BEND7: variants seen among roughly 807,000 people sequenced by gnomAD.
The protein encoded by BEND7 is BEN domain-containing protein 7.
A neutral mutation model predicts 50.9 loss-of-function variants in BEND7; 28 were observed. That is an observed-to-expected ratio of 0.55 (90% CI 0.41 to 0.75). The LOEUF is 0.75. BEND7 is among the 30% of genes least tolerant of loss of function. The probability of loss-of-function intolerance (pLI) is 0.00; values close to 1 mark genes in which losing one functional copy is unlikely to be tolerated. For missense variants in BEND7, 477 were observed against 491.3 expected (o/e 0.97, Z 0.28); for synonymous variants, 170 against 183.9 (o/e 0.92, Z 0.61).
intron 2 of BEND7, among the ~76,000 whole-genome samples, chr10:13,508,259 G>A (rs564284134): frequency 1.8e-4 from 27 of 152,286 alleles, no homozygotes; most frequent in African/African-American, 4.8e-4. Context: ...ACTGGGAGTC[G>A]AACTCAGCAA....
Position 13,480,962 on chromosome 10 carries a change from T to A in BEND7, c.1000A>T (p.Arg334Trp). ...CGGTTGTCATTGAGTCCTCTTTTCCTCTTCCCATTGGGTAAGGAGTTAGCC... is the reference window on the plus strand; with the variant it reads ...CGGTTGTCATTGAGTCCTCTTTTCCACTTCCCATTGGGTAAGGAGTTAGCC... ...TLANSLPNGK[R>W]KRGLNDNRKG... is the part of the protein sequence containing the mutation. The change falls in exon 6 of 9, where the codon AGG (arginine) becomes TGG (tryptophan). Residue 334 changes from arginine to tryptophan, a missense_variant. Arg to Trp is a moderately radical substitution (Grantham distance 101, BLOSUM62 -3). Around this residue, in one of 3 missense-constraint regions of BEND7, gnomAD observed 17 missense variants for 38.6 expected, o/e 0.44. Coordinates refer to ENST00000466271, the MANE Select transcript of BEND7 (RefSeq NM_001369863.1). 1 of 1,614,228 alleles carries A rather than the reference T, an allele frequency of 6.2e-7. No individual in the cohort carries two copies. Among genetic ancestry groups the A allele is most frequent in the Non-Finnish European group, 8.5e-7 (1 of 1,180,044 alleles).
chr10:13,461,211 C>T (rs1322382019), intron 6 of BEND7, among the ~76,000 whole-genome samples: 4 of 152,200 alleles, frequency 2.6e-5, no homozygotes, highest in Admixed American at 2.6e-4. Context: ...TCCAAAGGCA[C>T]AGCCTGCGAC....
chr10:13,492,786 AC>A lies in BEND7; in HGVS notation c.661del (p.Val221CysfsTer11). 6.2e-7 allele frequency: 1 copy of A among 1,608,392 alleles called. No homozygotes were observed. The highest frequency in any genetic ancestry group is 8.5e-7 in the Non-Finnish European group (1 of 1,178,802). On this transcript the variant is annotated frameshift_variant, in exon 5 of 9. Coordinates refer to ENST00000466271, the MANE Select transcript of BEND7 (RefSeq NM_001369863.1). LOFTEE classifies it high-confidence loss of function. Reference protein sequence around the residue: ...VSRKRNKKKKVPPKTVEPLTV... With the variant: ...VSRKRNKKKKXPPKTVEPLTV... ...AAGAGGTTCCACAGTCTTTGGGGGC[AC>A]TTTTTTCTTTTTATTTCTCTTTCGT...
chr10:13,494,393 G>T (rs1385203899), intron 4 of BEND7, among the ~76,000 whole-genome samples: 1 of 152,208 alleles, frequency 6.6e-6, no homozygotes, highest in Non-Finnish European at 1.5e-5. Flanking sequence ...CTCCAGCCTG[G>T]CGACAGAGTG....
chr10:13,526,172 A>C lies in BEND7; in HGVS notation c.111T>G (p.Asn37Lys). ...YKIPEFSNDVNGEAKETQPIF... is the reference protein window; with the variant it reads ...YKIPEFSNDVKGEAKETQPIF... ...TGGGCTGTGTCTCTTTGGCCTCCCC[A>C]TTAACATCGTTGCTGAATTCTGGGA... Residue 37 changes from asparagine to lysine, a missense_variant, in exon 2 of 9, where the codon AAT (asparagine) becomes AAG (lysine). Coordinates refer to ENST00000466271, the MANE Select transcript of BEND7 (RefSeq NM_001369863.1). 1 of 1,289,616 alleles carries C rather than the reference A, an allele frequency of 7.8e-7. No homozygotes were observed. The highest frequency in any genetic ancestry group is 1.5e-5 in the African/African-American group (1 of 65,960). 79.9% of individuals were successfully genotyped at this position (1,289,616 alleles called of 1,614,324 possible). A position where few individuals can be genotyped will look rare whatever the true frequency, so the allele number is the denominator to read the frequency against.
intron 6 of BEND7, among the ~76,000 whole-genome samples, chr10:13,468,023 T>A (rs1185082770): frequency 6.6e-6 from 1 of 152,162 alleles, no homozygotes; most frequent in Non-Finnish European, 1.5e-5. Flanking sequence ...AGCATGACCA[T>A]GTATCCCGAT....
chr10:13,522,249 T>C (rs566258404), intron 2 of BEND7, among the ~76,000 whole-genome samples: 1 of 152,386 alleles, frequency 6.6e-6, no homozygotes, highest in South Asian at 2.1e-4. Context: ...TCATTTTATA[T>C]TTGCATTACT....
At chr10:13,447,698 C>T (rs1273310038) in intron 7 of BEND7, among the ~76,000 whole-genome samples, 1 of 152,030 alleles carries the variant, frequency 6.6e-6, no homozygotes. Context: ...CGCCCGCCAC[C>T]ACGCCTGGCT....
chr10:13,513,762 G>A (rs1281065497), intron 2 of BEND7, among the ~76,000 whole-genome samples: 1 of 152,196 alleles, frequency 6.6e-6, no homozygotes, highest in Non-Finnish European at 1.5e-5. Flanking sequence ...TCCATGGAGT[G>A]CCAATATCCC....
intron 2 of BEND7, among the ~76,000 whole-genome samples, chr10:13,520,935 T>C (rs1311975424): frequency 6.6e-6 from 1 of 152,174 alleles, no homozygotes; most frequent in Non-Finnish European, 1.5e-5. Flanking sequence ...GGTATTTAAG[T>C]TCCCTCAAGA....
chr10:13,471,480 T>G (rs2074827532), intron 6 of BEND7, among the ~76,000 whole-genome samples: 1 of 152,254 alleles, frequency 6.6e-6, no homozygotes, highest in African/African-American at 2.4e-5. Flanking sequence ...TTCTACATTT[T>G]CTTCAAGACT....
At chr10:13,464,246 A>G (rs893721854) in intron 6 of BEND7, among the ~76,000 whole-genome samples, 2 of 152,218 alleles carry the variant, frequency 1.3e-5, no homozygotes, top group African/African-American at 4.8e-5. Context: ...AGGGAAAGAG[A>G]AAAGCCAGCC....
chr10:13,448,042 C>T (rs1319460188), intron 7 of BEND7, among the ~76,000 whole-genome samples: 1 of 152,150 alleles, frequency 6.6e-6, no homozygotes, highest in African/African-American at 2.4e-5. Context: ...GATCCTAGAA[C>T]TGCCAATCTA....
In BEND7 at chr10:13,500,092, AG is replaced by A. The variant is rs1490465116; in HGVS notation, c.146-13del. On this transcript the variant is annotated splice_polypyrimidine_tract_variant and intron_variant, in intron 2 of 8. Transcript: ENST00000466271. ...CATGCTTTCATCTCCTAATGGAAAC[AG>A]GGCCAAAGTTAGCACTCTAAATTAG... The A allele has an allele frequency of 6.4e-7, 1 of 1,567,054 alleles. No individual in the cohort carries two copies. Among genetic ancestry groups the A allele is most frequent in the Admixed American group, 1.8e-5 (1 of 56,102 alleles).
intron 5 of BEND7, among the ~76,000 whole-genome samples, chr10:13,490,145 T>C (rs570841626): frequency 2.9e-4 from 44 of 152,320 alleles, no homozygotes; most frequent in Admixed American, 1.6e-3. Flanking sequence ...GTTTGTGCCA[T>C]GGGTATATAC....
chr10:13,480,877 A>G (rs368655924), intron 6 of BEND7, 22 bp downstream of exon 6: 33 of 1,612,584 alleles, frequency 2.0e-5, no homozygotes, highest in Non-Finnish European at 2.6e-5. Context: ...AGAACCCACA[A>G]AATGAAATGA....
At chr10:13,516,685 G>A (rs1323008777) in intron 2 of BEND7, among the ~76,000 whole-genome samples, 4 of 152,054 alleles carry the variant, frequency 2.6e-5, no homozygotes, top group Admixed American at 2.6e-4. Context: ...AAATCGCGCC[G>A]CTGCACTCCA....
chr10:13,518,140 A>G (rs1312053103), intron 2 of BEND7, among the ~76,000 whole-genome samples: 4 of 152,236 alleles, frequency 2.6e-5, no homozygotes, highest in Admixed American at 6.5e-5. Flanking sequence ...TGATTTGGTC[A>G]TGACCAGTGT....
chr10:13,458,174 T>C (rs548102182), intron 6 of BEND7, among the ~76,000 whole-genome samples: 1 of 152,360 alleles, frequency 6.6e-6, no homozygotes, highest in African/African-American at 2.4e-5. Flanking sequence ...CTAGCATTCA[T>C]TTGAATCCTG....
Sources: allele counts gnomAD v4.1 joint callset (sites outside exome capture counted in the v4.1 genomes callset), GRCh38; gene constraint gnomAD v4.1.1; regional missense constraint gnomAD v4.1.1; transcripts MANE v1.5; gene names NCBI Gene and HGNC (gene_info 2026-07-23, HGNC 2026-07-21).